The following PIK3CA variants were observed in gnomAD, a reference collection of about 807,000 sequenced individuals.
PIK3CA encodes phosphatidylinositol 4,5-bisphosphate 3-kinase catalytic subunit alpha isoform.
Under a neutral mutation model 138.2 loss-of-function variants are expected in PIK3CA, and 27 were observed. The ratio of observed to expected loss-of-function variants is 0.20; its 90% CI spans 0.14 to 0.27. PIK3CA has a LOEUF of 0.27. Among genes scored for constraint, PIK3CA ranks in the 10% least tolerant of loss-of-function variants. The pLI is 1.00. For missense variants in PIK3CA, 544 were observed against 1,277.4 expected (o/e 0.43, Z 8.75); for synonymous variants, 358 against 413.2 (o/e 0.87, Z 1.62).
At chr3:179,159,603 A>G (rs190014496) in intron 1 of PIK3CA, among the ~76,000 whole-genome samples, 6 of 152,330 alleles carry the variant, frequency 3.9e-5, no homozygotes, top group East Asian at 3.9e-4. Flanking sequence ...AAATTAATAC[A>G]GTAGAATCTC....
At chr3:179,187,403 T>G (rs966817269) in intron 1 of PIK3CA, among the ~76,000 whole-genome samples, 4 of 151,040 alleles carry the variant, frequency 2.6e-5, no homozygotes, top group South Asian at 2.1e-4. Context: ...CTGGGCGTGG[T>G]GGCGGGCGCC....
At chr3:179,167,581 T>A (rs556641719) in intron 1 of PIK3CA, among the ~76,000 whole-genome samples, 6 of 152,158 alleles carry the variant, frequency 3.9e-5, no homozygotes, top group Non-Finnish European at 8.8e-5. Flanking sequence ...TCTATAACCA[T>A]ATTTAAATCC....
At chr3:179,210,985 A>G (rs1344951367) in intron 9 of PIK3CA, among the ~76,000 whole-genome samples, 1 of 152,254 alleles carries the variant, frequency 6.6e-6, no homozygotes, top group African/African-American at 2.4e-5. Flanking sequence ...ATTTTTTTCA[A>G]TAAATATATT....
At chr3:179,210,371 T>C (rs753032583) in intron 8 of PIK3CA, 33 bp downstream of exon 8, 2 of 1,584,518 alleles carry the variant, frequency 1.3e-6, no homozygotes, top group South Asian at 1.2e-5. Context: ...TTAGATATTT[T>C]TTATGGCAGT....
chr3:179,157,748 A>G (rs1187338508), intron 1 of PIK3CA, among the ~76,000 whole-genome samples: 1 of 152,096 alleles, frequency 6.6e-6, no homozygotes, highest in Non-Finnish European at 1.5e-5. Context: ...AGACTTCTTT[A>G]ATTTTCCTTG....
At chr3:179,165,236 G>A (rs1336180060) in intron 1 of PIK3CA, among the ~76,000 whole-genome samples, 1 of 152,080 alleles carries the variant, frequency 6.6e-6, no homozygotes, top group African/African-American at 2.4e-5. Context: ...ATACAAAATT[G>A]ATCTGCTTAA....
chr3:179,221,732 G>T (rs1464855131), intron 14 of PIK3CA, among the ~76,000 whole-genome samples: 1 of 114,800 alleles, frequency 8.7e-6, no homozygotes, highest in African/African-American at 3.7e-5. Context: ...TTTTGAGACA[G>T]GGTCTGGCTC....
chr3:179,154,335 G>A lies in PIK3CA; in HGVS notation c.-77+5732G>A, dbSNP rs1416736015. ...CTCTGCCTGTTGTCGGAGCAGCAGC[G>A]GCACTAGATTCTCATAGAAGGACCA... On this transcript the variant is annotated intron_variant, in intron 1 of 20. Coordinates refer to ENST00000263967, the MANE Select transcript of PIK3CA (RefSeq NM_006218.4). Among the ~76,000 whole-genome samples the A allele has an allele frequency of 6.6e-5, 10 of 151,976 alleles. No individual in the cohort carries two copies. The East Asian group carries it at 1.7e-3, about 26-fold the overall frequency.
rs2108417002 is a variant in PIK3CA at position 179,224,182 on chromosome 3, C to T, written c.2289C>T (p.Asn763=). 2 of 1,514,192 alleles carry T rather than the reference C, an allele frequency of 1.3e-6. No individual in the cohort carries two copies. The highest frequency in any genetic ancestry group is 1.7e-4 in the Middle Eastern group (1 of 5,758). 93.8% of individuals were successfully genotyped at this position (1,514,192 alleles called of 1,614,324 possible). A position where few individuals can be genotyped will look rare whatever the true frequency, so the allele number is the denominator to read the frequency against. The change falls in exon 15 of 21, where the codon AAC becomes AAT. Residue 763 remains asparagine (N), a synonymous_variant. Coordinates refer to ENST00000263967, the MANE Select transcript of PIK3CA (RefSeq NM_006218.4). ...TAAACCCTGCTCATCAACTAGGAAA[C>T]CTCAGGTACTTTCTTGGGGGTTTCA... is the stretch of plus-strand genomic sequence containing the variant. ...SPLNPAHQLG[N]LRLEECRIMS... is the part of the protein sequence containing the mutation.
chr3:179,181,856 T>C (rs1177871365), intron 1 of PIK3CA, among the ~76,000 whole-genome samples: 1 of 152,208 alleles, frequency 6.6e-6, no homozygotes. Flanking sequence ...GAGGTTTGAA[T>C]GTCTTCTTTA....
At chr3:179,163,503 A>G (rs1234404883) in intron 1 of PIK3CA, among the ~76,000 whole-genome samples, 1 of 152,090 alleles carries the variant, frequency 6.6e-6, no homozygotes, top group African/African-American at 2.4e-5. Context: ...ACAAAAAAAG[A>G]AAAAAATCTC....
rs1441675138 is a variant in PIK3CA at position 179,239,910 on chromosome 3, A to C, written c.*5546A>C. 1.3e-6 allele frequency: 1 copy of C among 796,658 alleles called. No homozygotes were observed. The highest frequency in any genetic ancestry group is 2.0e-6 in the Non-Finnish European group (1 of 488,902). 49.3% of individuals were successfully genotyped at this position (796,658 alleles called of 1,614,324 possible). ...AAGATGCATGTGTTACTATATTGAG[A>C]ATATAGAATAATAACAGTATCACTA... On this transcript the variant is annotated 3_prime_UTR_variant, in exon 21 of 21. Transcript: ENST00000263967.
intron 6 of PIK3CA, among the ~76,000 whole-genome samples, chr3:179,206,975 T>G (rs1724578981): frequency 1.3e-5 from 2 of 152,002 alleles, no homozygotes. Flanking sequence ...ATTAAAATGT[T>G]GAAATGTTAG....
intron 16 of PIK3CA, among the ~76,000 whole-genome samples, 177 bp downstream of exon 16, chr3:179,224,998 A>G (rs890805522): frequency 6.6e-6 from 1 of 152,172 alleles, no homozygotes; most frequent in African/African-American, 2.4e-5. Flanking sequence ...AATCAATGAA[A>G]AGAAAAGAAG....
Position 179,234,490 on chromosome 3 carries a change from G to A in PIK3CA, c.*126G>A, listed in dbSNP as rs555622596. 1 of 670,342 alleles carries A rather than the reference G, an allele frequency of 1.5e-6. No homozygotes were observed. Among genetic ancestry groups the A allele is most frequent in the African/African-American group, 1.8e-5 (1 of 55,126 alleles). The allele number at this position is 670,342 out of a possible 1,614,324, so 41.5% of individuals were successfully genotyped here. ...TGAACAGCATTAGAATTTACAGCAA[G>A]AACAGAAATAAAATACTATATAATT... On this transcript the variant is annotated 3_prime_UTR_variant, in exon 21 of 21. Transcript: ENST00000263967. This position sits in a 1 kb window ranked among gnomAD's most constrained non-coding sequence, Gnocchi z 5.1.
At position 179,237,076 on chromosome 3, in the gene PIK3CA, G is replaced by A. The variant is rs1238462285; in HGVS notation, c.*2712G>A. 1 of 195,520 alleles carries A rather than the reference G, an allele frequency of 5.1e-6. No homozygotes were observed. Among genetic ancestry groups the A allele is most frequent in the African/African-American group, 2.3e-5 (1 of 43,274 alleles). The allele number at this position is 195,520 out of a possible 1,614,324, so 12.1% of individuals were successfully genotyped here. A position where few individuals can be genotyped will look rare whatever the true frequency, so the allele number is the denominator to read the frequency against. Reference sequence around the variant, plus strand: ...TAATAAAAATAATTTTAAACACACTGTAGTAAGAAATGACTGTTGGAAAAT... The same window carrying A: ...TAATAAAAATAATTTTAAACACACTATAGTAAGAAATGACTGTTGGAAAAT... On this transcript the variant is annotated 3_prime_UTR_variant, in exon 21 of 21. Transcript: ENST00000263967.
At chr3:179,158,842 C>T (rs1292667430) in intron 1 of PIK3CA, among the ~76,000 whole-genome samples, 1 of 152,058 alleles carries the variant, frequency 6.6e-6, no homozygotes, top group Non-Finnish European at 1.5e-5. Flanking sequence ...TCTGTGGTAT[C>T]GGCTACCTGG....
At position 179,215,308 on chromosome 3, in the gene PIK3CA, T is replaced by C. The variant is rs187288410; in HGVS notation, c.1540-2902T>C. Among the ~76,000 whole-genome samples, 330 of 152,346 alleles carry C rather than the reference T, an allele frequency of 2.2e-3. 1 individual carries two copies. The highest frequency in any genetic ancestry group is 2.1e-3 in the Non-Finnish European group (143 of 68,028). ...AATTGATATTTGATGACTGTATTCT[T>C]TCTTAAAAGAAATTTTATTTCAAAG... On this transcript the variant is annotated intron_variant, in intron 9 of 20. Coordinates refer to ENST00000263967, the MANE Select transcript of PIK3CA (RefSeq NM_006218.4).
At chr3:179,167,814 C>G (rs192848866) in intron 1 of PIK3CA, among the ~76,000 whole-genome samples, 39 of 152,196 alleles carry the variant, frequency 2.6e-4, no homozygotes, top group African/African-American at 9.4e-4. Flanking sequence ...AAATTGTGCT[C>G]TTTTGCTTCA....
Sources: allele counts gnomAD v4.1 joint callset (sites outside exome capture counted in the v4.1 genomes callset), GRCh38; gene constraint gnomAD v4.1.1; non-coding constraint Gnocchi (gnomAD v3.1); transcripts MANE v1.5; gene names NCBI Gene and HGNC (gene_info 2026-07-23, HGNC 2026-07-21).